The following FBXW4 variants were observed in gnomAD, a reference collection of about 807,000 sequenced individuals.
The protein encoded by FBXW4 is F-box and WD repeat domain containing 4.
Under a neutral mutation model 61.8 loss-of-function variants are expected in FBXW4, and 40 were observed. The ratio of observed to expected loss-of-function variants is 0.65; its 90% CI spans 0.50 to 0.84. The LOEUF (loss-of-function observed/expected upper bound fraction) is 0.84, where lower values mean the gene tolerates loss of function less well. FBXW4 is among the 40% of genes least tolerant of loss of function. The pLI is 0.00. For synonymous variants in FBXW4, 311 were observed against 313.8 expected (o/e 0.99, Z 0.10); for missense variants, 672 against 753.8 (o/e 0.89, Z 1.27).
intron 5 of FBXW4, among the ~76,000 whole-genome samples, chr10:101,656,083 G>A (rs768810975): frequency 2.0e-5 from 3 of 152,132 alleles, no homozygotes; most frequent in Non-Finnish European, 2.9e-5. Flanking sequence ...CAAAGGAAGC[G>A]AAGAAGCCCC....
At chr10:101,643,811 G>A (rs1004086190) in intron 5 of FBXW4, among the ~76,000 whole-genome samples, 5 of 152,212 alleles carry the variant, frequency 3.3e-5, no homozygotes, top group African/African-American at 4.8e-5. Flanking sequence ...TGAGGAAGGC[G>A]TTTTGTTGTT....
At chr10:101,635,289 AGGC>A in intron 5 of FBXW4, among the ~76,000 whole-genome samples, 4 of 150,230 alleles carry the variant, frequency 2.7e-5, no homozygotes, top group African/African-American at 7.4e-5. Flanking sequence ...AACAAGCTCA[AGGC>A]TCCCACTGAT....
chr10:101,684,272 C>T (rs1363087010), intron 1 of FBXW4, among the ~76,000 whole-genome samples: 6 of 152,226 alleles, frequency 3.9e-5, no homozygotes, highest in African/African-American at 7.2e-5. Context: ...TACAGGCGCC[C>T]GCCACCATGC....
At chr10:101,657,769 T>C (rs2064201983) in intron 5 of FBXW4, among the ~76,000 whole-genome samples, 1 of 152,064 alleles carries the variant, frequency 6.6e-6, no homozygotes. Flanking sequence ...AGTACTAGTC[T>C]GAAGGAAGAG....
Position 101,611,662 on chromosome 10 carries a change from C to T in FBXW4, c.1550G>A (p.Arg517Gln), listed in dbSNP as rs1318416108. The stretch of plus-strand genomic sequence containing the variant: ...GGCCCTTTGACGCCGGTCCCACAGC[C>T]GTACAACACCGTAGTAGGAGGAACC... ...ATGSSYYGVVRLWDRRQRACL... is the reference protein window; with the variant it reads ...ATGSSYYGVVQLWDRRQRACL... Residue 517 changes from arginine (R) to glutamine (Q), a missense_variant, in exon 8 of 9, where the codon CGG (arginine) becomes CAG (glutamine). By Grantham distance (43) the Arg-to-Gln change is conservative (BLOSUM62 1). Coordinates refer to ENST00000331272, the MANE Select transcript of FBXW4 (RefSeq NM_022039.4). The surrounding 1 kb of genome is among the most constrained non-coding windows in gnomAD (Gnocchi z 4.9). The T allele has an allele frequency of 3.1e-6, 5 of 1,614,192 alleles. No homozygotes were observed. The highest frequency in any genetic ancestry group is 4.2e-6 in the Non-Finnish European group (5 of 1,180,024).
In FBXW4 at chr10:101,612,399, GA is replaced by G; in HGVS notation, c.1379del (p.Phe460SerfsTer73). 6.2e-7 allele frequency: 1 copy of G among 1,601,492 alleles called. No individual in the cohort carries two copies. The highest frequency in any genetic ancestry group is 8.5e-7 in the Non-Finnish European group (1 of 1,173,740). On this transcript the variant is annotated frameshift_variant, in exon 7 of 9. Transcript: ENST00000331272. LOFTEE classifies it high-confidence loss of function. ...TGTCATAGCCACAGGACAGCAGTGT[GA>G]AAGGGGACTCATACATGACATCCAG... is the stretch of plus-strand genomic sequence containing the variant. ...GVLDVMYESP[F>X]TLLSCGYDTY... is the part of the protein sequence containing the mutation.
intron 4 of FBXW4, among the ~76,000 whole-genome samples, chr10:101,670,472 A>G (rs934267951): frequency 6.6e-6 from 1 of 152,244 alleles, no homozygotes. Flanking sequence ...TCTTATTACA[A>G]TAAATCTTCC....
intron 1 of FBXW4, among the ~76,000 whole-genome samples, chr10:101,692,127 GAC>G (rs558621775): frequency 6.6e-6 from 1 of 151,528 alleles, no homozygotes; most frequent in Non-Finnish European, 1.5e-5. Flanking sequence ...GTGTAGAAGT[GAC>G]ACACACACAT....
intron 6 of FBXW4, among the ~76,000 whole-genome samples, chr10:101,622,155 C>CA (rs147071681): frequency 0.23 from 22,599 of 99,144 alleles, 1,975 homozygotes; most frequent in Middle Eastern, 0.35. Context: ...ATGGATTTTT[C>CA]AAAAAAAAAA....
At chr10:101,636,954 T>C (rs2064007121) in intron 5 of FBXW4, among the ~76,000 whole-genome samples, 1 of 152,146 alleles carries the variant, frequency 6.6e-6, no homozygotes, top group Non-Finnish European at 1.5e-5. Context: ...TAGATGAAAT[T>C]GTATGTCTGA....
At chr10:101,675,490 G>A (rs1279691951) in intron 2 of FBXW4, among the ~76,000 whole-genome samples, 10 of 137,476 alleles carry the variant, frequency 7.3e-5, no homozygotes, top group South Asian at 5.3e-4. Context: ...ATAAAAATCC[G>A]TCTTTCTCTC....
chr10:101,649,050 A>T (rs2064124766), intron 5 of FBXW4, among the ~76,000 whole-genome samples: 1 of 152,136 alleles, frequency 6.6e-6, no homozygotes, highest in Admixed American at 6.5e-5. Context: ...CCATAAATAC[A>T]ATTATATTTT....
chr10:101,685,660 C>T (rs951577314), intron 1 of FBXW4, among the ~76,000 whole-genome samples: 21 of 152,118 alleles, frequency 1.4e-4, no homozygotes, highest in Non-Finnish European at 4.4e-5. Context: ...TAAATAATCA[C>T]GAACAGGTTC....
chr10:101,627,425 C>T (rs1055393682), intron 5 of FBXW4, among the ~76,000 whole-genome samples: 1 of 152,148 alleles, frequency 6.6e-6, no homozygotes, highest in South Asian at 2.1e-4. Context: ...GACTCACACC[C>T]AAACCATGGG....
At position 101,694,547 on chromosome 10, in the gene FBXW4, G is replaced by A. The variant is rs766021845; in HGVS notation, c.559C>T (p.Pro187Ser). 22 of 1,490,692 alleles carry A rather than the reference G, an allele frequency of 1.5e-5. No individual in the cohort carries two copies. Among genetic ancestry groups the A allele is most frequent in the African/African-American group, 2.9e-5 (2 of 68,552 alleles). 92.3% of individuals were successfully genotyped at this position (1,490,692 alleles called of 1,614,324 possible). ...PAAGPALWRL[P>S]EELLLLICSY... ...CAGATGAGCAGCAGCAGCTCCTCCGGCAGGCGCCAGAGCGCAGGCCCCGCG... is the reference window on the plus strand; with the variant it reads ...CAGATGAGCAGCAGCAGCTCCTCCGACAGGCGCCAGAGCGCAGGCCCCGCG... Residue 187 changes from proline (P) to serine (S), a missense_variant, in exon 1 of 9, where the codon CCG becomes TCG. Pro to Ser is a moderately conservative substitution (Grantham distance 74, BLOSUM62 -1). This residue lies in a region of FBXW4 where 311 missense variants were observed against 301.1 expected (regional missense o/e 1.03). Transcript: ENST00000331272. This position sits in a 1 kb window ranked among gnomAD's most constrained non-coding sequence, Gnocchi z 6.0.
At chr10:101,691,963 G>T (rs186773132) in intron 1 of FBXW4, among the ~76,000 whole-genome samples, 1 of 152,264 alleles carries the variant, frequency 6.6e-6, no homozygotes, top group Admixed American at 6.5e-5. Flanking sequence ...ACATACTGAA[G>T]AGAGTGTATT....
intron 5 of FBXW4, among the ~76,000 whole-genome samples, chr10:101,656,447 A>C (rs1246915380): frequency 6.6e-6 from 1 of 152,238 alleles, no homozygotes; most frequent in African/African-American, 2.4e-5. Context: ...TGATCTTAAG[A>C]GAGAACACAT....
At chr10:101,692,865 CAA>C (rs2064625838) in intron 1 of FBXW4, among the ~76,000 whole-genome samples, 1 of 149,846 alleles carries the variant, frequency 6.7e-6, no homozygotes, top group East Asian at 1.9e-4. Flanking sequence ...AAAAAAATCA[CAA>C]AAGACTGGCA....
At chr10:101,644,051 T>C (rs1363987338) in intron 5 of FBXW4, among the ~76,000 whole-genome samples, 1 of 152,174 alleles carries the variant, frequency 6.6e-6, no homozygotes, top group Non-Finnish European at 1.5e-5. Flanking sequence ...GTACCTGGGC[T>C]CTCCCCACAG....
Sources: allele counts gnomAD v4.1 joint callset (sites outside exome capture counted in the v4.1 genomes callset), GRCh38; gene constraint gnomAD v4.1.1; regional missense constraint gnomAD v4.1.1; non-coding constraint Gnocchi (gnomAD v3.1); transcripts MANE v1.5; gene names NCBI Gene and HGNC (gene_info 2026-07-23, HGNC 2026-07-21).